Variants in MCTP1 observed in about 807,000 individuals in gnomAD.
The protein encoded by MCTP1 is multiple C2 and transmembrane domain containing 1.
MCTP1 carries 69 observed loss-of-function variants against 120.6 expected under a neutral mutation model. That is an observed-to-expected ratio of 0.57 (90% CI 0.47 to 0.70). MCTP1 has a LOEUF of 0.70. Ranked by LOEUF, MCTP1 falls within the 30% of genes least tolerant of loss-of-function variation. The pLI is 0.00. For missense variants in MCTP1, 1,203 were observed against 1,248.8 expected (o/e 0.96, Z 0.55); for synonymous variants, 529 against 493.1 (o/e 1.07, Z -0.96).
intron 1 of MCTP1, among the ~76,000 whole-genome samples, chr5:95,112,692 T>C (rs1295634275): frequency 1.3e-5 from 2 of 152,198 alleles, no homozygotes; most frequent in African/African-American, 4.8e-5. Context: ...ACATTGCCAA[T>C]TAATTGTAAG....
intron 1 of MCTP1, among the ~76,000 whole-genome samples, chr5:95,087,895 G>C (rs1755553237): frequency 6.6e-6 from 1 of 152,114 alleles, no homozygotes; most frequent in Non-Finnish European, 1.5e-5. Context: ...CTTAAAACTT[G>C]AGGGAGTTGA....
intron 12 of MCTP1, among the ~76,000 whole-genome samples, chr5:94,880,550 T>C (rs185776871): frequency 6.8e-4 from 104 of 152,288 alleles, no homozygotes; most frequent in Middle Eastern, 6.8e-3. Flanking sequence ...TCTTTGTCTC[T>C]TTATTCCTCT....
intron 1 of MCTP1, among the ~76,000 whole-genome samples, chr5:95,093,909 A>T (rs1346180178): frequency 6.6e-6 from 1 of 152,216 alleles, no homozygotes; most frequent in Non-Finnish European, 1.5e-5. Flanking sequence ...ACCACAAGGA[A>T]ACCCAAGCAA....
At chr5:95,054,304 T>C (rs534194841) in intron 1 of MCTP1, among the ~76,000 whole-genome samples, 1 of 152,290 alleles carries the variant, frequency 6.6e-6, no homozygotes, top group East Asian at 1.9e-4. Context: ...TAAAACTAAA[T>C]AGAATCATTT....
chr5:95,121,325 A>C (rs890310293), intron 1 of MCTP1, among the ~76,000 whole-genome samples: 2 of 151,518 alleles, frequency 1.3e-5, no homozygotes, highest in African/African-American at 4.8e-5. Context: ...CAAAATCAAC[A>C]TACAAAAACC....
chr5:95,011,255 T>C (rs1247023480), intron 2 of MCTP1, among the ~76,000 whole-genome samples: 2 of 152,198 alleles, frequency 1.3e-5, no homozygotes, highest in African/African-American at 2.4e-5. Flanking sequence ...CTACTATTGT[T>C]ACTGGGGTGT....
chr5:95,117,374 G>C lies in MCTP1; in HGVS notation c.721-99890C>G, dbSNP rs535195060. Among the ~76,000 whole-genome samples, 95 of 110,674 alleles carry C rather than the reference G, an allele frequency of 8.6e-4. 1 individual carries two copies. The highest frequency in any genetic ancestry group is 3.4e-3 in the African/African-American group (94 of 27,736). The allele number at this position is 110,674 out of a possible 152,430, so 72.6% of individuals were successfully genotyped here. On this transcript the variant is annotated intron_variant, in intron 1 of 22. Transcript: ENST00000515393. ...CCACTGCACTGCAGCCTGGGCAACA[G>C]AGCGAGACTCCGTCTCAAAAAAAAA...
intron 1 of MCTP1, among the ~76,000 whole-genome samples, chr5:95,212,902 A>G (rs1402625166): frequency 6.6e-6 from 1 of 152,188 alleles, no homozygotes; most frequent in Non-Finnish European, 1.5e-5. Context: ...CCCACAGCCA[A>G]TATCATACTG....
chr5:94,876,015 T>A (rs1345690479), intron 12 of MCTP1, among the ~76,000 whole-genome samples: 1 of 152,096 alleles, frequency 6.6e-6, no homozygotes. Context: ...CAATTAAAAA[T>A]TAACAGCAAT....
intron 17 of MCTP1, among the ~76,000 whole-genome samples, chr5:94,819,124 TTC>T (rs1785096644): frequency 6.6e-6 from 1 of 151,398 alleles, no homozygotes; most frequent in African/African-American, 2.4e-5. Flanking sequence ...TATTTATTCA[TTC>T]ATTCATTCTT....
chr5:95,197,773 G>A lies in MCTP1; in HGVS notation c.720+86083C>T, dbSNP rs146613279. ...TCCATATATGCATGCATATAGAGTT[G>A]TCCCTTGGTATCCACGTGGGATTGG... is the stretch of plus-strand genomic sequence containing the variant. On this transcript the variant is annotated intron_variant, in intron 1 of 22. Transcript: ENST00000515393. 3.0e-3 allele frequency among the ~76,000 whole-genome samples: 450 copies of A among 152,120 alleles called. 3 individuals carry two copies. The highest frequency in any genetic ancestry group is 0.01 in the African/African-American group (429 of 41,498).
intron 1 of MCTP1, among the ~76,000 whole-genome samples, chr5:95,133,726 T>C (rs111621776): frequency 0.023 from 3,457 of 152,324 alleles, 132 homozygotes; most frequent in African/African-American, 0.078. Flanking sequence ...TCTTAAAATA[T>C]CTTACTGTAC....
At chr5:95,020,888 T>A (rs780656193) in intron 1 of MCTP1, among the ~76,000 whole-genome samples, 1 of 152,096 alleles carries the variant, frequency 6.6e-6, no homozygotes, top group African/African-American at 2.4e-5. Flanking sequence ...CAGTTGGATC[T>A]GTTTCTGAAG....
At chr5:95,227,627 T>C (rs773061191) in intron 1 of MCTP1, among the ~76,000 whole-genome samples, 2 of 152,204 alleles carry the variant, frequency 1.3e-5, no homozygotes, top group Non-Finnish European at 2.9e-5. Context: ...AGGGCACATG[T>C]ACAATTGTCT....
chr5:95,186,909 A>G (rs1005670822), intron 1 of MCTP1, among the ~76,000 whole-genome samples: 4 of 152,214 alleles, frequency 2.6e-5, no homozygotes, highest in Non-Finnish European at 1.5e-5. Context: ...AAAGATGCCA[A>G]TGAAAGTTAA....
intron 19 of MCTP1, among the ~76,000 whole-genome samples, chr5:94,724,412 ATTTT>A (rs34497014): frequency 1.9e-4 from 26 of 138,478 alleles, no homozygotes; most frequent in Admixed American, 3.6e-4. Context: ...CGTCTGGCTA[ATTTT>A]TTTTTTTTTT....
intron 1 of MCTP1, among the ~76,000 whole-genome samples, chr5:95,163,243 G>A (rs1421218156): frequency 6.6e-6 from 1 of 152,158 alleles, no homozygotes; most frequent in Non-Finnish European, 1.5e-5. Context: ...CTCCCAGCAG[G>A]AGATCAATAA....
chr5:94,744,789 T>G (rs1015754848), intron 19 of MCTP1, among the ~76,000 whole-genome samples: 1 of 152,108 alleles, frequency 6.6e-6, no homozygotes, highest in Non-Finnish European at 1.5e-5. Context: ...GGATTACAGG[T>G]GTGAGCCACC....
At chr5:95,237,312 G>A (rs965576631) in intron 1 of MCTP1, among the ~76,000 whole-genome samples, 8 of 152,170 alleles carry the variant, frequency 5.3e-5, no homozygotes, top group Non-Finnish European at 1.2e-4. Flanking sequence ...CCAGGAGAGT[G>A]GCTGTGAAAT....
Sources: allele counts gnomAD v4.1 joint callset (sites outside exome capture counted in the v4.1 genomes callset), GRCh38; gene constraint gnomAD v4.1.1; transcripts MANE v1.5; gene names NCBI Gene and HGNC (gene_info 2026-07-23, HGNC 2026-07-21).